RICTOR: variants seen among roughly 807,000 people sequenced by gnomAD.
The protein encoded by RICTOR is rapamycin-insensitive companion of mTOR.
Under a neutral mutation model 214.9 loss-of-function variants are expected in RICTOR, and 49 were observed. The observed-to-expected ratio is 0.23, with a 90% CI of 0.18 to 0.29. The LOEUF (loss-of-function observed/expected upper bound fraction) is 0.29, where lower values mean the gene tolerates loss of function less well. Among genes scored for constraint, RICTOR ranks in the 10% least tolerant of loss-of-function variants. The pLI is 1.00. For missense variants in RICTOR, 1,625 were observed against 2,047.0 expected (o/e 0.79, Z 3.98); for synonymous variants, 717 against 711.3 (o/e 1.01, Z -0.13).
intron 7 of RICTOR, among the ~76,000 whole-genome samples, chr5:38,986,446 TATA>T (rs1267830023): frequency 6.6e-6 from 1 of 152,210 alleles, no homozygotes; most frequent in South Asian, 2.1e-4. Context: ...TAGTAGATTC[TATA>T]ATATTACTGG....
At chr5:39,037,104 T>C (rs1756770889) in intron 2 of RICTOR, among the ~76,000 whole-genome samples, 1 of 151,906 alleles carries the variant, frequency 6.6e-6, no homozygotes, top group Non-Finnish European at 1.5e-5. Flanking sequence ...GGACAGAAAT[T>C]ATAACAAACT....
chr5:38,971,744 T>G, intron 11 of RICTOR, 133 bp downstream of exon 11: 1 of 590,184 alleles, frequency 1.7e-6, no homozygotes, highest in Non-Finnish European at 3.0e-6. Context: ...AATATTTACT[T>G]CTGTATTTTA....
chr5:38,973,541 G>A (rs938397574), intron 10 of RICTOR, among the ~76,000 whole-genome samples: 1 of 152,088 alleles, frequency 6.6e-6, no homozygotes, highest in African/African-American at 2.4e-5. Flanking sequence ...TGACATGTTA[G>A]GGAAAACATT....
chr5:38,986,938 T>C (rs1349812808), intron 7 of RICTOR, among the ~76,000 whole-genome samples: 1 of 152,182 alleles, frequency 6.6e-6, no homozygotes, highest in Non-Finnish European at 1.5e-5. Flanking sequence ...TGAAGGGGTG[T>C]TGAATATTTT....
In RICTOR at chr5:38,952,181, T is replaced by A. The variant is rs771982243; in HGVS notation, c.3127+15A>T. On this transcript the variant is annotated intron_variant, in intron 30 of 37. Coordinates refer to ENST00000357387, the MANE Select transcript of RICTOR (RefSeq NM_152756.5). ...AACATTGGCTAACTTTATATGAACC[T>A]GTCAGGATACTCACTCGATGGCACA... 7.0e-7 allele frequency: 1 copy of A among 1,435,138 alleles called. No individual in the cohort carries two copies. 88.9% of individuals were successfully genotyped at this position (1,435,138 alleles called of 1,614,324 possible). A position where few individuals can be genotyped will look rare whatever the true frequency, so the allele number is the denominator to read the frequency against.
chr5:39,037,495 CA>C (rs1163055515), intron 2 of RICTOR, among the ~76,000 whole-genome samples: 1 of 151,756 alleles, frequency 6.6e-6, no homozygotes, highest in Non-Finnish European at 1.5e-5. Context: ...AATAGAGACA[CA>C]AAAAACCCTT....
intron 2 of RICTOR, among the ~76,000 whole-genome samples, chr5:39,073,057 C>T (rs1016859195): frequency 6.6e-6 from 1 of 152,228 alleles, no homozygotes; most frequent in South Asian, 2.1e-4. Context: ...TAACAAATTA[C>T]TGTAGATAAC....
chr5:38,971,797 C>A (rs1466391591), intron 11 of RICTOR, 80 bp downstream of exon 11: 5 of 680,140 alleles, frequency 7.4e-6, no homozygotes, highest in African/African-American at 1.8e-5. Flanking sequence ...AAACACATCA[C>A]CTGAAATAAT....
Position 39,021,039 on chromosome 5 carries a change from C to G in RICTOR, c.195G>C (p.Lys65Asn). The G allele has an allele frequency of 2.1e-6, 3 of 1,455,608 alleles. No individual in the cohort carries two copies. The highest frequency in any genetic ancestry group is 2.9e-6 in the Non-Finnish European group (3 of 1,035,570). The allele number at this position is 1,455,608 out of a possible 1,614,324, so 90.2% of individuals were successfully genotyped here. A position where few individuals can be genotyped will look rare whatever the true frequency, so the allele number is the denominator to read the frequency against. Residue 65 changes from lysine to asparagine, a missense_variant and splice_region_variant, in exon 3 of 38, where the codon AAG (lysine) becomes AAC (asparagine). Lys to Asn is a moderately conservative substitution (Grantham distance 94, BLOSUM62 0). Transcript: ENST00000357387. ...AATAATAAAAATTCAAGTTACTTAC[C>G]TTAGTAAAGTTATTCAGATGGCCTA... ...RKLGHLNNFT[K>N]LLCDIGHSEE...
At chr5:39,016,678 A>G (rs927021503) in intron 3 of RICTOR, among the ~76,000 whole-genome samples, 1 of 152,094 alleles carries the variant, frequency 6.6e-6, no homozygotes, top group Non-Finnish European at 1.5e-5. Flanking sequence ...ACAGATTCCT[A>G]GAAATGAAGG....
intron 2 of RICTOR, among the ~76,000 whole-genome samples, chr5:39,030,290 G>T (rs1332848752): frequency 2.0e-5 from 3 of 152,090 alleles, no homozygotes; most frequent in Non-Finnish European, 4.4e-5. Flanking sequence ...AGTCATGCAA[G>T]AGTAGTAAAT....
At chr5:39,027,828 C>G (rs1435242316) in intron 2 of RICTOR, among the ~76,000 whole-genome samples, 1 of 152,044 alleles carries the variant, frequency 6.6e-6, no homozygotes, top group Non-Finnish European at 1.5e-5. Flanking sequence ...GTATCTAATC[C>G]TCTGCTCATC....
At chr5:39,002,436 A>G in intron 5 of RICTOR, 99 bp downstream of exon 5, 1 of 699,120 alleles carries the variant, frequency 1.4e-6, no homozygotes, top group South Asian at 2.0e-5. Context: ...AAAATTCATC[A>G]AAGTTACACT....
chr5:39,050,287 C>G (rs1175690159), intron 2 of RICTOR, among the ~76,000 whole-genome samples: 1 of 151,802 alleles, frequency 6.6e-6, no homozygotes, highest in Non-Finnish European at 1.5e-5. Flanking sequence ...AATTTGAGCA[C>G]TGACTGAATA....
In RICTOR at chr5:38,941,349, T is replaced by C. The variant is rs746156341; in HGVS notation, c.*955A>G. Reference sequence around the variant, plus strand: ...TGTTTTTTTTAAGGAAATATGGCTCTTCTTTCCCCATGGAATGTGTAAATT... The same window carrying C: ...TGTTTTTTTTAAGGAAATATGGCTCCTCTTTCCCCATGGAATGTGTAAATT... On this transcript the variant is annotated 3_prime_UTR_variant, in exon 38 of 38. Coordinates refer to ENST00000357387, the MANE Select transcript of RICTOR (RefSeq NM_152756.5). 7.3e-5 allele frequency: 17 copies of C among 231,798 alleles called. No homozygotes were observed. The highest frequency in any genetic ancestry group is 1.5e-4 in the Non-Finnish European group (17 of 116,992). The allele number at this position is 231,798 out of a possible 1,614,324, so 14.4% of individuals were successfully genotyped here. A position where few individuals can be genotyped will look rare whatever the true frequency, so the allele number is the denominator to read the frequency against.
rs557678342 is a variant in RICTOR at position 39,005,850 on chromosome 5, C to T, written c.196-2228G>A. On this transcript the variant is annotated intron_variant, in intron 3 of 37. Transcript: ENST00000357387. ...CAGGCCTACCTCTGCTTTTTCCCTG[C>T]CACCTGAAGTTTCAACTGAAAGCTT... 4.3e-4 allele frequency among the ~76,000 whole-genome samples: 66 copies of T among 152,290 alleles called. 1 individual carries two copies. Among genetic ancestry groups the T allele is most frequent in the African/African-American group, 1.5e-3 (64 of 41,572 alleles).
In RICTOR at chr5:38,962,499, C is replaced by T; in HGVS notation, c.1654G>A (p.Gly552Arg). 6.4e-7 allele frequency: 1 copy of T among 1,553,346 alleles called. No individual in the cohort carries two copies. Among genetic ancestry groups the T allele is most frequent in the Non-Finnish European group, 8.8e-7 (1 of 1,133,866 alleles). The change falls in exon 18 of 38, where the codon GGG (glycine) becomes AGG (arginine). Residue 552 changes from glycine (G) to arginine (R), a missense_variant. Transcript: ENST00000357387. ...TCTTTTCATACCTTAAGAATGGTCC[C>T]TATAAGATTCCAATTCCATTCAAGA... The part of the protein sequence containing the change: ...ENLEWNWNLI[G>R]TILKWPNVNL...
rs372163123 is a variant in RICTOR, at chr5:38,967,316, C to A, written c.1151+21G>T. 12 of 1,601,204 alleles carry A rather than the reference C, an allele frequency of 7.5e-6. No individual in the cohort carries two copies. In the African/African-American group the frequency reaches 9.4e-5, roughly 13 times the overall value. On this transcript the variant is annotated intron_variant, in intron 13 of 37. Transcript: ENST00000357387. ...AACCCGAATTCTAATAAATTGAAAC[C>A]CTTTTTATTTTAAATTCTACCTGGA... is the stretch of plus-strand genomic sequence containing the variant.
intron 2 of RICTOR, among the ~76,000 whole-genome samples, chr5:39,065,754 A>T (rs1262478295): frequency 6.6e-6 from 1 of 152,242 alleles, no homozygotes. Context: ...GCAGTCATTA[A>T]ATCTTAAAGC....
Sources: gnomAD v4.1 joint callset for allele counts (sites outside exome capture counted in the v4.1 genomes callset) on GRCh38, gnomAD v4.1.1 for gene constraint, MANE v1.5 for transcripts, NCBI Gene and HGNC (gene_info 2026-07-23, HGNC 2026-07-21) for gene names.